Variants in LDB3 observed in about 807,000 individuals in gnomAD.
LDB3 encodes the protein LIM domain-binding protein 3.
Under a neutral mutation model 69.0 loss-of-function variants are expected in LDB3, and 49 were observed. That is an observed-to-expected ratio of 0.71 (90% confidence interval 0.56 to 0.90). The LOEUF (loss-of-function observed/expected upper bound fraction) is 0.90. Ranked by LOEUF, LDB3 falls within the 40% of genes least tolerant of loss-of-function variation. LDB3 has a pLI of 0.00. For synonymous variants in LDB3, 387 were observed against 396.2 expected, an observed-to-expected ratio of 0.98 and a Z score of 0.28; for missense variants, 928 against 974.1, an observed-to-expected ratio of 0.95 and a Z score of 0.63.
Position 86,699,341 on chromosome 10 carries a change from C to T in LDB3, c.896+6770C>T. The T allele has an allele frequency of 1.9e-6, 3 of 1,613,932 alleles. No homozygotes were observed. Among genetic ancestry groups the T allele is most frequent in the Middle Eastern group, 1.6e-4 (1 of 6,062 alleles). ...CCAAATTGCGCAACTGGCACCATGG[C>T]CTTTCAGCCCAAATCCTTAATGTTA... On this transcript the variant is annotated intron_variant, in intron 7 of 13. Coordinates refer to ENST00000361373, the MANE Select transcript of LDB3 (RefSeq NM_007078.3). This position sits in a 1 kb window ranked among gnomAD's most constrained non-coding sequence, Gnocchi z 4.9.
intron 5 of LDB3, among the ~76,000 whole-genome samples, chr10:86,690,270 G>A (rs961694810): frequency 6.6e-6 from 1 of 152,170 alleles, no homozygotes; most frequent in Non-Finnish European, 1.5e-5. Flanking sequence ...CCAGGACCAG[G>A]GAGACCTGGT....
intron 9 of LDB3, among the ~76,000 whole-genome samples, chr10:86,714,858 G>T (rs1846805213): frequency 6.6e-6 from 1 of 152,140 alleles, no homozygotes; most frequent in Non-Finnish European, 1.5e-5. Context: ...TGCCCAACCG[G>T]TATTATCTTT....
intron 7 of LDB3, among the ~76,000 whole-genome samples, chr10:86,696,902 TGGGC>T (rs1331824531): frequency 1.3e-5 from 2 of 152,378 alleles, no homozygotes; most frequent in Admixed American, 6.5e-5. Context: ...GTGACCTCTC[TGGGC>T]TTCAGCTTCC....
intron 6 of LDB3, among the ~76,000 whole-genome samples, chr10:86,692,319 T>G (rs1156391441): frequency 6.6e-6 from 1 of 152,238 alleles, no homozygotes; most frequent in Admixed American, 6.5e-5. Flanking sequence ...CCGGGCGAGA[T>G]GATTGCCCAG....
rs1439079388 is a variant in LDB3, at chr10:86,681,771, A to G, written c.657A>G (p.Arg219=). ...EMAQMYQMSL[R]GKASGVGLPG... is the part of the protein sequence containing the mutation. ...CTCAGATGTACCAGATGAGCCTCCG[A>G]GGGAAGGCCTCGGGTGTCGGACTCC... The change falls in exon 5 of 14, where the codon CGA becomes CGG. Residue 219 remains arginine (R), a synonymous_variant. Coordinates refer to ENST00000361373, the MANE Select transcript of LDB3 (RefSeq NM_007078.3). 1.3e-6 allele frequency: 2 copies of G among 1,599,976 alleles called. No homozygotes were observed. The highest frequency in any genetic ancestry group is 1.7e-5 in the Admixed American group (1 of 58,550).
chr10:86,720,578 G>A (rs1308074801), intron 12 of LDB3, among the ~76,000 whole-genome samples: 1 of 152,170 alleles, frequency 6.6e-6, no homozygotes, highest in Non-Finnish European at 1.5e-5. Context: ...CTGTAAAAGG[G>A]AGAAGATAAT....
Position 86,733,901 on chromosome 10 carries a change from A to G in LDB3, c.*925A>G, listed in dbSNP as rs1003657006. ...CACCCCAACTTGTGACTGCTCACTT[A>G]TGACGTCTCCCCCAGTACCCTCCAT... is the stretch of plus-strand genomic sequence containing the variant. On this transcript the variant is annotated 3_prime_UTR_variant, in exon 14 of 14. Transcript: ENST00000361373. 1 of 152,194 alleles carries G rather than the reference A, an allele frequency of 6.6e-6. No homozygotes were observed. Among genetic ancestry groups the G allele is most frequent in the African/African-American group, 2.4e-5 (1 of 41,438 alleles). The allele number at this position is 152,194 out of a possible 1,614,324, so 9.4% of individuals were successfully genotyped here.
At chr10:86,679,546 G>A (rs777059364) in intron 3 of LDB3, 28 bp downstream of exon 3, 1 of 1,612,772 alleles carries the variant, frequency 6.2e-7, no homozygotes, top group South Asian at 1.1e-5. Flanking sequence ...AGAGCAGGGG[G>A]CGGAGGTTTG....
chr10:86,672,387 C>G (rs1309144224), intron 2 of LDB3, among the ~76,000 whole-genome samples: 1 of 152,218 alleles, frequency 6.6e-6, no homozygotes, highest in African/African-American at 2.4e-5. Context: ...TTATCAGACT[C>G]TCCCAGCTGT....
At position 86,699,475 on chromosome 10, in the gene LDB3, T is replaced by C; in HGVS notation, c.896+6904T>C. ...AGCCCCACGGTGATGCTTGACAATGTATAACTCTGCTGGGGGCACCTCTGA... is the reference window on the plus strand; with the variant it reads ...AGCCCCACGGTGATGCTTGACAATGCATAACTCTGCTGGGGGCACCTCTGA... On this transcript the variant is annotated intron_variant, in intron 7 of 13. Transcript: ENST00000361373. This position sits in a 1 kb window ranked among gnomAD's most constrained non-coding sequence, Gnocchi z 4.9. 1 of 1,585,904 alleles carries C rather than the reference T, an allele frequency of 6.3e-7. No individual in the cohort carries two copies. Among genetic ancestry groups the C allele is most frequent in the Non-Finnish European group, 8.6e-7 (1 of 1,168,408 alleles).
chr10:86,731,248 G>A (rs1318905001), intron 13 of LDB3, among the ~76,000 whole-genome samples: 19 of 139,414 alleles, frequency 1.4e-4, no homozygotes, highest in East Asian at 1.3e-3. Flanking sequence ...TTTTTGAGAC[G>A]GAATCTCGCT....
intron 9 of LDB3, among the ~76,000 whole-genome samples, chr10:86,712,474 G>A (rs955602025): frequency 6.6e-5 from 10 of 152,154 alleles, no homozygotes; most frequent in African/African-American, 2.4e-4. Context: ...ATCTGCTGTT[G>A]AGTCTGGCAG....
chr10:86,669,140 GCATTT>G (rs1323799178), intron 2 of LDB3, among the ~76,000 whole-genome samples: 9 of 152,176 alleles, frequency 5.9e-5, no homozygotes, highest in African/African-American at 2.2e-4. Context: ...CAAGCCTTGA[GCATTT>G]CCCTAGATAT....
chr10:86,724,575 T>C (rs1847191956), intron 12 of LDB3, among the ~76,000 whole-genome samples: 1 of 150,846 alleles, frequency 6.6e-6, no homozygotes. Flanking sequence ...CTGCACTCCA[T>C]CCTGGTGACA....
chr10:86,705,190 C>T (rs1846397766), intron 7 of LDB3, among the ~76,000 whole-genome samples: 1 of 152,184 alleles, frequency 6.6e-6, no homozygotes, highest in Non-Finnish European at 1.5e-5. Flanking sequence ...CACAACATCC[C>T]TCAATCAGAT....
chr10:86,707,648 G>A (rs556231010), intron 8 of LDB3, among the ~76,000 whole-genome samples: 9 of 152,260 alleles, frequency 5.9e-5, no homozygotes, highest in South Asian at 2.1e-4. Context: ...TGGCCCCCAC[G>A]GTTTGCTGGG....
intron 12 of LDB3, among the ~76,000 whole-genome samples, chr10:86,725,045 GACATACTATCC>G (rs1285205281): frequency 6.6e-6 from 1 of 152,192 alleles, no homozygotes; most frequent in Non-Finnish European, 1.5e-5. Context: ...ACAATGAATG[GACATACTATCC>G]ACAAGAAGAA....
intron 5 of LDB3, among the ~76,000 whole-genome samples, chr10:86,683,267 A>G (rs1845264378): frequency 6.6e-6 from 1 of 152,224 alleles, no homozygotes; most frequent in Non-Finnish European, 1.5e-5. Flanking sequence ...ACCAGCTAAC[A>G]GTCCACATGC....
intron 5 of LDB3, among the ~76,000 whole-genome samples, chr10:86,685,365 G>C (rs1845410026): frequency 6.6e-6 from 1 of 152,198 alleles, no homozygotes; most frequent in South Asian, 2.1e-4. Flanking sequence ...TTGTATGTGG[G>C]GGATTCATGT....
Sources: allele counts gnomAD v4.1 joint callset (sites outside exome capture counted in the v4.1 genomes callset), GRCh38; gene constraint gnomAD v4.1.1; non-coding constraint Gnocchi (gnomAD v3.1); transcripts MANE v1.5; gene names NCBI Gene and HGNC (gene_info 2026-07-23, HGNC 2026-07-21).